The following GCN1 variants were observed in gnomAD, a reference collection of about 807,000 sequenced individuals.
GCN1 encodes the protein GCN1 activator of EIF2AK4, also known as stalled ribosome sensor GCN1.
Under a neutral mutation model 288.4 loss-of-function variants are expected in GCN1, and 90 were observed. That is an observed-to-expected ratio of 0.31 (90% CI 0.26 to 0.37). GCN1 has a LOEUF of 0.37. GCN1 is among the 10% of genes least tolerant of loss of function. GCN1 has a pLI of 1.00. For missense variants in GCN1, 2,586 were observed against 3,419.9 expected (o/e 0.76, Z 6.08); for synonymous variants, 1,386 against 1,420.2 (o/e 0.98, Z 0.54).
intron 51 of GCN1, among the ~76,000 whole-genome samples, chr12:120,135,656 C>A (rs1036734463): frequency 6.6e-6 from 1 of 152,090 alleles, no homozygotes; most frequent in African/African-American, 2.4e-5. Context: ...AGCCACCACG[C>A]CCGGCTTACT....
At chr12:120,129,217 A>G in intron 57 of GCN1, 59 bp downstream of exon 57, 3 of 1,214,394 alleles carry the variant, frequency 2.5e-6, no homozygotes, top group Non-Finnish European at 3.7e-6. Flanking sequence ...TCCATGCTGA[A>G]GAAGAGCTGA....
At chr12:120,150,321 G>A (rs1026703574) in intron 34 of GCN1, among the ~76,000 whole-genome samples, 2 of 152,192 alleles carry the variant, frequency 1.3e-5, no homozygotes, top group African/African-American at 4.8e-5. Context: ...CCTTGGCCGG[G>A]CGCGGTGGCT....
chr12:120,184,361 T>A, intron 3 of GCN1, 118 bp from the exon 4 acceptor site: 1 of 823,418 alleles, frequency 1.2e-6, no homozygotes, highest in Non-Finnish European at 1.9e-6. Context: ...CATATTCCAG[T>A]GGATAACAGA....
intron 2 of GCN1, among the ~76,000 whole-genome samples, chr12:120,186,491 C>T (rs1175691019): frequency 6.6e-6 from 1 of 152,166 alleles, no homozygotes; most frequent in Non-Finnish European, 1.5e-5. Context: ...GAAATTTAAC[C>T]TGCAGTGTAA....
intron 1 of GCN1, 107 bp downstream of exon 1, chr12:120,194,573 C>G: frequency 9.5e-7 from 1 of 1,053,950 alleles, no homozygotes; most frequent in East Asian, 3.1e-5. Context: ...ACCTCCACAG[C>G]CACCACCTCC....
At chr12:120,160,815 C>T (rs1322732905) in intron 22 of GCN1, among the ~76,000 whole-genome samples, 2 of 151,922 alleles carry the variant, frequency 1.3e-5, no homozygotes, top group Admixed American at 6.6e-5. Context: ...ATCTAGCAGG[C>T]GAAGATAGAT....
intron 15 of GCN1, 144 bp downstream of exon 15, chr12:120,170,025 G>A (rs1203971119): frequency 7.1e-6 from 5 of 707,208 alleles, no homozygotes; most frequent in African/African-American, 1.8e-5. Context: ...GCAACCATGA[G>A]GTTCATCCTG....
At position 120,178,614 on chromosome 12, in the gene GCN1, T is replaced by C; in HGVS notation, c.660+11A>G. The C allele has an allele frequency of 6.2e-7, 1 of 1,614,162 alleles. No homozygotes were observed. The highest frequency in any genetic ancestry group is 8.5e-7 in the Non-Finnish European group (1 of 1,179,956). ...ATAGCAAACCCACAGTCACTCTGCC[T>C]TGGCACTTGCCTTGTGCTGACTGAC... On this transcript the variant is annotated intron_variant, in intron 7 of 57. Transcript: ENST00000300648.
chr12:120,184,217 T>G lies in GCN1; in HGVS notation c.212A>C (p.Gln71Pro). The change falls in exon 4 of 58, where the codon CAG (glutamine) becomes CCG (proline). Residue 71 changes from glutamine to proline, a missense_variant. By Grantham distance (76) the Gln-to-Pro change is moderately conservative (BLOSUM62 -1). Around this residue, in one of 8 missense-constraint regions of GCN1, gnomAD observed 913 missense variants for 1,107.0 expected, o/e 0.82. Transcript: ENST00000300648. Reference sequence around the variant, plus strand: ...CTCAGCCAACTGCTGGATGGCTGCCTGCAAGGCCCTGCGGGAGGCTGCATC... The same window carrying G: ...CTCAGCCAACTGCTGGATGGCTGCCGGCAAGGCCCTGCGGGAGGCTGCATC... ...YRDAASRRAL[Q>P]AAIQQLAEAQ... The G allele has an allele frequency of 1.2e-6, 2 of 1,613,758 alleles. No homozygotes were observed. The highest frequency in any genetic ancestry group is 1.7e-6 in the Non-Finnish European group (2 of 1,179,860).
chr12:120,148,095 G>A, intron 37 of GCN1, 72 bp downstream of exon 37: 1 of 1,104,274 alleles, frequency 9.1e-7, no homozygotes, highest in Non-Finnish European at 1.3e-6. Context: ...ATGGGTGCAA[G>A]TTCCCTGCAG....
At chr12:120,184,958 GC>G in intron 2 of GCN1, 71 bp from the exon 3 acceptor site, 2 of 993,104 alleles carry the variant, frequency 2.0e-6, no homozygotes, top group Non-Finnish European at 1.6e-6. Context: ...CAGGTATTCT[GC>G]CCAGACATGA....
In GCN1 at chr12:120,186,148, G is replaced by T. The variant is rs542215019; in HGVS notation, c.122-1261C>A. Among the ~76,000 whole-genome samples the T allele has an allele frequency of 1.8e-4, 27 of 152,154 alleles. No individual in the cohort carries two copies. In the South Asian group the frequency reaches 5.2e-3, roughly 29 times the overall value. ...CAGGTCAGGAGTTCAAGACCAGCCT[G>T]GCCAACACGGTGAAACCCCGTCTCT... On this transcript the variant is annotated intron_variant, in intron 2 of 57. Transcript: ENST00000300648.
intron 16 of GCN1, among the ~76,000 whole-genome samples, chr12:120,166,822 G>C (rs1424232292): frequency 6.6e-6 from 1 of 151,480 alleles, no homozygotes. Flanking sequence ...GTCAGCCTGG[G>C]CAACATGGTG....
At chr12:120,136,239 C>G (rs181415585) in intron 51 of GCN1, among the ~76,000 whole-genome samples, 1 of 152,184 alleles carries the variant, frequency 6.6e-6, no homozygotes, top group African/African-American at 2.4e-5. Context: ...CATGAGGCAG[C>G]TGGTATTATT....
chr12:120,168,723 A>AC (rs927151421), intron 15 of GCN1, among the ~76,000 whole-genome samples: 91 of 142,676 alleles, frequency 6.4e-4, no homozygotes, highest in African/African-American at 1.6e-3. Flanking sequence ...CCCAATACCC[A>AC]CCCCCCCAAC....
At chr12:120,189,669 G>A (rs1172139204) in intron 2 of GCN1, among the ~76,000 whole-genome samples, 1 of 151,836 alleles carries the variant, frequency 6.6e-6, no homozygotes, top group African/African-American at 2.4e-5. Context: ...GCCTGGCCAA[G>A]GCCATGGTTC....
rs1364225616 is a variant in GCN1 at position 120,173,038 on chromosome 12, T to C, written c.1366+615A>G. Reference sequence around the variant, plus strand: ...AGTCCAGAGTAAAGTTTACACGAAGTTGGATTTTTTAAACCAGTCTTTTTT... The same window carrying C: ...AGTCCAGAGTAAAGTTTACACGAAGCTGGATTTTTTAAACCAGTCTTTTTT... On this transcript the variant is annotated intron_variant, in intron 14 of 57. Transcript: ENST00000300648. 2.6e-5 allele frequency among the ~76,000 whole-genome samples: 4 copies of C among 151,504 alleles called. No homozygotes were observed. The East Asian group carries it at 5.8e-4, about 22-fold the overall frequency.
chr12:120,194,487 C>T (rs984451990), intron 1 of GCN1, among the ~76,000 whole-genome samples, 193 bp downstream of exon 1: 4 of 152,216 alleles, frequency 2.6e-5, no homozygotes, highest in African/African-American at 9.6e-5. Context: ...CTCGAGCCCG[C>T]GGTCTGCCTG....
In GCN1 at chr12:120,141,026, G is replaced by A; in HGVS notation, c.5830-3C>T. 5.0e-6 allele frequency: 8 copies of A among 1,610,806 alleles called. No individual in the cohort carries two copies. Among genetic ancestry groups the A allele is most frequent in the Non-Finnish European group, 6.8e-6 (8 of 1,178,000 alleles). On this transcript the variant is annotated splice_polypyrimidine_tract_variant and splice_region_variant and intron_variant, in intron 44 of 57. Coordinates refer to ENST00000300648, the MANE Select transcript of GCN1 (RefSeq NM_006836.2). ...TCTCCCAATGTTCTCGCTGCAATCT[G>A]TCAACAGAGACCAATCCAGGAAGTA...
Sources: gnomAD v4.1 joint callset for allele counts (sites outside exome capture counted in the v4.1 genomes callset) on GRCh38, gnomAD v4.1.1 for gene constraint, gnomAD v4.1.1 regional missense constraint, MANE v1.5 for transcripts, NCBI Gene and HGNC (gene_info 2026-07-23, HGNC 2026-07-21) for gene names.